Variants in SYTL5 observed in about 807,000 individuals in gnomAD.
SYTL5 encodes synaptotagmin like 5, also known as synaptotagmin-like protein 5.
SYTL5 carries 34 observed loss-of-function variants against 55.9 expected under a neutral mutation model. The observed-to-expected ratio is 0.61, with a 90% CI of 0.46 to 0.81. The LOEUF (loss-of-function observed/expected upper bound fraction) is 0.81. Among genes scored for constraint, SYTL5 ranks in the 30% least tolerant of loss-of-function variants. The pLI, the probability that SYTL5 is intolerant of heterozygous loss-of-function variation, is 0.00. For missense variants in SYTL5, 637 were observed against 546.7 expected (o/e 1.17, Z -1.65); for synonymous variants, 221 against 188.7 (o/e 1.17, Z -1.40).
intron 6 of SYTL5, 21 bp downstream of exon 6, chrX:38,076,722 G>A (rs987059967): frequency 1.7e-6 from 2 of 1,201,505 alleles, no homozygotes; most frequent in African/African-American, 3.5e-5. Flanking sequence ...TACAGATTGA[G>A]CAATGATGTA....
chrX:38,040,173 CAA>C (rs61501646), intron 2 of SYTL5, among the ~76,000 whole-genome samples: 9 of 83,286 alleles, frequency 1.1e-4, no homozygotes, highest in African/African-American at 2.4e-4. Context: ...GACTCCATCT[CAA>C]AAAAAAAAAA....
chrX:38,090,352 TAATG>T (rs921298711), intron 7 of SYTL5, among the ~76,000 whole-genome samples: 23 of 112,001 alleles, frequency 2.1e-4, no homozygotes, highest in African/African-American at 5.8e-4. Context: ...GGTCAACACA[TAATG>T]AAGGCTTAAA....
the SYTL5 span, among the ~76,000 whole-genome samples, chrX:37,912,611 G>A: frequency 7.2e-5 from 8 of 111,856 alleles, no homozygotes; most frequent in African/African-American, 2.6e-4. Context: ...TCAAAGCTAG[G>A]CCCTGATGCT....
intron 2 of SYTL5, among the ~76,000 whole-genome samples, chrX:38,044,087 G>A (rs1008275040): frequency 1.4e-4 from 15 of 110,380 alleles, no homozygotes; most frequent in South Asian, 3.8e-4. Flanking sequence ...CCTTCCTTTC[G>A]TAGAATCTGA....
At chrX:37,994,488 GT>G in the SYTL5 span, 2 of 192,372 alleles carry the variant, frequency 1.0e-5, no homozygotes, top group Non-Finnish European at 1.6e-5. Flanking sequence ...AACCACACCT[GT>G]TTTCCTGGCT....
In SYTL5 at chrX:38,108,639, C is replaced by A. The variant is rs143135845; in HGVS notation, c.1374C>A (p.Asn458Lys). ...ATCTTCTTCCTGACAAGTCCCGGAA[C>A]AACAAGCGTAAGACCAAAATCAGAA... Reference protein sequence around the residue: ...KSYLLPDKSRNNKRKTKIRTG... With the variant: ...KSYLLPDKSRKNKRKTKIRTG... Residue 458 changes from asparagine to lysine, a missense_variant, in exon 12 of 17, where the codon AAC (asparagine) becomes AAA (lysine). Physicochemically the swap from Asn to Lys is moderately conservative, Grantham distance 94. Transcript: ENST00000297875. The A allele has an allele frequency of 2.8e-5, 34 of 1,203,677 alleles. No individual in the cohort carries two copies. Among genetic ancestry groups the A allele is most frequent in the Non-Finnish European group, 3.8e-5 (34 of 890,427 alleles).
At chrX:38,072,940 C>A (rs967665239) in intron 4 of SYTL5, among the ~76,000 whole-genome samples, 1 of 111,796 alleles carries the variant, frequency 8.9e-6, no homozygotes, top group South Asian at 3.7e-4. Context: ...CCAGAGGAGA[C>A]AAGTGCCCTT....
At chrX:38,083,204 AG>A in intron 6 of SYTL5, among the ~76,000 whole-genome samples, 1 of 111,300 alleles carries the variant, frequency 9.0e-6, no homozygotes, top group Non-Finnish European at 1.9e-5. Context: ...TTTAGAAATA[AG>A]ACATTTGATC....
chrX:38,069,304 A>G (rs1346716693), intron 3 of SYTL5, among the ~76,000 whole-genome samples: 2 of 112,422 alleles, frequency 1.8e-5, no homozygotes, highest in Non-Finnish European at 3.8e-5. Flanking sequence ...TTGGAGCTCA[A>G]ACGAGTTTGA....
intron 1 of SYTL5, among the ~76,000 whole-genome samples, chrX:38,026,473 G>C (rs1177035144): frequency 2.1e-5 from 2 of 96,574 alleles, no homozygotes; most frequent in Non-Finnish European, 3.8e-5. Flanking sequence ...AGAAGGAATT[G>C]GGGGTGAGTC....
the SYTL5 span, among the ~76,000 whole-genome samples, chrX:37,981,545 C>G: frequency 9.0e-6 from 1 of 111,092 alleles, no homozygotes; most frequent in Non-Finnish European, 1.9e-5. Context: ...GATCCAACTG[C>G]CTCAGCCTCC....
the SYTL5 span, among the ~76,000 whole-genome samples, chrX:37,913,943 T>C: frequency 8.9e-6 from 1 of 112,273 alleles, no homozygotes; most frequent in Non-Finnish European, 1.9e-5. Context: ...CTGTATAACC[T>C]TCTGTGTAAC....
At chrX:38,070,785 T>G (rs1453994489) in intron 3 of SYTL5, among the ~76,000 whole-genome samples, 1 of 112,084 alleles carries the variant, frequency 8.9e-6, no homozygotes, top group Non-Finnish European at 1.9e-5. Flanking sequence ...ATTTCTTAAT[T>G]TTTAATTAGA....
At chrX:37,954,109 C>T in the SYTL5 span, among the ~76,000 whole-genome samples, 4 of 111,263 alleles carry the variant, frequency 3.6e-5, no homozygotes, top group East Asian at 1.1e-3. Flanking sequence ...ACATCTAGTC[C>T]TCTGAACCTA....
At chrX:38,056,113 C>T (rs1602350286) in intron 3 of SYTL5, among the ~76,000 whole-genome samples, 1 of 111,730 alleles carries the variant, frequency 9.0e-6, no homozygotes, top group Non-Finnish European at 1.9e-5. Context: ...CCCTTGACCC[C>T]CACTACCCTT....
the SYTL5 span, among the ~76,000 whole-genome samples, chrX:37,968,798 C>T: frequency 4.5e-5 from 5 of 111,696 alleles, no homozygotes; most frequent in Admixed American, 4.7e-4. Flanking sequence ...CAGTAATGAG[C>T]TGTTGGTCCT....
chrX:37,995,022 G>C, the SYTL5 span, among the ~76,000 whole-genome samples: 1 of 111,124 alleles, frequency 9.0e-6, no homozygotes, highest in Non-Finnish European at 1.9e-5. Context: ...CCAGTGTGGA[G>C]TGTTTGAATC....
intron 1 of SYTL5, among the ~76,000 whole-genome samples, chrX:38,013,892 C>T (rs1235285956): frequency 5.4e-5 from 6 of 110,665 alleles, no homozygotes; most frequent in Non-Finnish European, 7.6e-5. Context: ...TCCTCCTAGT[C>T]CCTCAACCAC....
the SYTL5 span, among the ~76,000 whole-genome samples, chrX:37,955,536 G>C: frequency 8.9e-6 from 1 of 111,872 alleles, no homozygotes; most frequent in African/African-American, 3.2e-5. Flanking sequence ...ATAATTAGAT[G>C]AACATTTTTT....
Sources: allele counts gnomAD v4.1 joint callset (sites outside exome capture counted in the v4.1 genomes callset), GRCh38; gene constraint gnomAD v4.1.1; transcripts MANE v1.5; gene names NCBI Gene and HGNC (gene_info 2026-07-23, HGNC 2026-07-21).